Variants in ALDOA observed in about 807,000 individuals in gnomAD.
The protein encoded by ALDOA is aldolase, fructose-bisphosphate A.
In ALDOA, 26 loss-of-function variants were observed where a neutral mutation model predicts 43.9. The ratio of observed to expected loss-of-function variants is 0.59; its 90% CI spans 0.43 to 0.82. The LOEUF (loss-of-function observed/expected upper bound fraction) is 0.82, where lower values mean the gene tolerates loss of function less well. Ranked by LOEUF, ALDOA falls within the 40% of genes least tolerant of loss-of-function variation. The pLI, the probability that ALDOA is intolerant of heterozygous loss-of-function variation, is 0.00. For missense variants in ALDOA, 498 were observed against 549.5 expected (o/e 0.91, Z 0.94); for synonymous variants, 258 against 222.6 (o/e 1.16, Z -1.42).
chr16:30,065,461 T>C (rs958499185), upstream of ALDOA, among the ~76,000 whole-genome samples: 2 of 152,130 alleles, frequency 1.3e-5, no homozygotes, highest in African/African-American at 4.8e-5. Context: ...CCCTCCCCCA[T>C]TGCCAACATT....
chr16:30,064,949 A>T (rs1334424678), upstream of ALDOA: 1 of 155,412 alleles, frequency 6.4e-6, no homozygotes, highest in African/African-American at 2.4e-5. Context: ...TTGGAGAAGG[A>T]AGTCAGGCTC....
At chr16:30,066,842 G>T (rs773804562) in intron 1 of ALDOA, 43 bp from the exon 2 acceptor site, 1 of 1,528,410 alleles carries the variant, frequency 6.5e-7, no homozygotes, top group Non-Finnish European at 8.8e-7. Flanking sequence ...CTTGATTCAC[G>T]ATCTTTACAT....
rs76642620 is a variant in ALDOA, at chr16:30,067,126, G to A, written c.141+88G>A. The stretch of plus-strand genomic sequence containing the variant: ...CCCAGGGCCTGCTGGGTGTGGGGCA[G>A]GGGAGGTAGGGAACATTTCCCTGAC... On this transcript the variant is annotated intron_variant, in intron 2 of 9. Coordinates refer to ENST00000642816, the MANE Select transcript of ALDOA (RefSeq NM_001243177.4). 1,542 of 1,578,144 alleles carry A rather than the reference G, an allele frequency of 9.8e-4. 12 individuals are homozygous for A. In the African/African-American group the frequency reaches 0.019, roughly 19 times the overall value.
intron 1 of ALDOA, 143 bp from the exon 2 acceptor site, chr16:30,066,742 C>T (rs926683182): frequency 1.0e-5 from 9 of 899,092 alleles, no homozygotes; most frequent in Admixed American, 2.9e-5. Flanking sequence ...GGGTTCTAAT[C>T]TCAGATCTGG....
In ALDOA at chr16:30,066,996, C is replaced by T. The variant is rs764462408; in HGVS notation, c.99C>T (p.His33=). 1.3e-5 allele frequency: 20 copies of T among 1,563,416 alleles called. No individual in the cohort carries two copies. In the Admixed American group the frequency reaches 2.1e-4, roughly 16 times the overall value. The change falls in exon 2 of 10, where the codon CAC becomes CAT. Residue 33 remains histidine (H), a synonymous_variant. Coordinates refer to ENST00000642816, the MANE Select transcript of ALDOA (RefSeq NM_001243177.4). ...SFPPVASGQL[H]PQLGNTQHQT... is the part of the protein sequence containing the mutation. Reference sequence around the variant, plus strand: ...CCCCAGTTGCCAGTGGGCAACTCCACCCTCAGCTGGGCAACACCCAGCACC... The same window carrying T: ...CCCCAGTTGCCAGTGGGCAACTCCATCCTCAGCTGGGCAACACCCAGCACC...
chr16:30,069,724 C>T (rs2072251541), intron 8 of ALDOA, 51 bp downstream of exon 8: 9 of 1,611,670 alleles, frequency 5.6e-6, no homozygotes, highest in Non-Finnish European at 7.6e-6. Flanking sequence ...GCTCCACCCA[C>T]AACCCTATGC....
intron 4 of ALDOA, chr16:30,068,011 A>AT: frequency 3.3e-6 from 1 of 299,656 alleles, no homozygotes; most frequent in Non-Finnish European, 6.3e-6. Context: ...AAGTGAAAAT[A>AT]TTTTAATTTA....
At chr16:30,067,207 T>A in intron 2 of ALDOA, 27 bp from the exon 3 acceptor site, 3 of 1,611,988 alleles carry the variant, frequency 1.9e-6, no homozygotes, top group Non-Finnish European at 2.5e-6. Context: ...AGCTAACTAG[T>A]CCTTCCCCTC....
upstream of ALDOA, among the ~76,000 whole-genome samples, chr16:30,065,435 C>G (rs2072064082): frequency 6.6e-6 from 1 of 152,238 alleles, no homozygotes; most frequent in African/African-American, 2.4e-5. Flanking sequence ...TCCGCGTCCT[C>G]CACTTCCCCG....
rs768538661 is a variant in ALDOA, at chr16:30,066,942, C to G, written c.45C>G (p.His15Gln). ...AAGGGTCCAGCTTCAACATGACCCA[C>G]CTGTCCATGGCTATGGCCTTTTCCT... is the stretch of plus-strand genomic sequence containing the variant. The part of the protein sequence containing the change: ...KPEGSSFNMT[H>Q]LSMAMAFSFP... The change falls in exon 2 of 10, where the codon CAC becomes CAG. Residue 15 changes from histidine to glutamine, a missense_variant. His to Gln is a conservative substitution (Grantham distance 24). Coordinates refer to ENST00000642816, the MANE Select transcript of ALDOA (RefSeq NM_001243177.4). 2 of 1,551,106 alleles carry G rather than the reference C, an allele frequency of 1.3e-6. No individual in the cohort carries two copies. Among genetic ancestry groups the G allele is most frequent in the South Asian group, 1.2e-5 (1 of 84,088 alleles).
upstream of ALDOA, chr16:30,064,723 C>A: frequency 3.6e-6 from 1 of 275,798 alleles, no homozygotes; most frequent in Non-Finnish European, 6.7e-6. Context: ...ATAACCAGCC[C>A]GGGAACCCCT....
In ALDOA at chr16:30,067,552, C is replaced by A. The variant is rs371785490; in HGVS notation, c.377C>A (p.Pro126His). ...LLLTADDRVN[P>H]CIGGVILFHE... Reference sequence around the variant, plus strand: ...CTGACAGCTGACGACCGCGTGAACCCCTGCATTGGGGGTGTCATCCTCTTC... The same window carrying A: ...CTGACAGCTGACGACCGCGTGAACCACTGCATTGGGGGTGTCATCCTCTTC... The change falls in exon 4 of 10, where the codon CCC becomes CAC. Residue 126 changes from proline (P) to histidine (H), a missense_variant. Pro to His is a moderately conservative substitution (Grantham distance 77). Transcript: ENST00000642816. 1 of 1,613,796 alleles carries A rather than the reference C, an allele frequency of 6.2e-7. No individual in the cohort carries two copies. Among genetic ancestry groups the A allele is most frequent in the African/African-American group, 1.3e-5 (1 of 74,858 alleles).
Position 30,067,523 on chromosome 16 carries a change from G to A in ALDOA, c.348G>A (p.Leu116=), listed in dbSNP as rs959628432. 5.0e-6 allele frequency: 8 copies of A among 1,613,818 alleles called. No homozygotes were observed. Among genetic ancestry groups the A allele is most frequent in the Non-Finnish European group, 6.8e-6 (8 of 1,179,996 alleles). Residue 116 remains leucine, a synonymous_variant, in exon 4 of 10, where the codon CTG becomes CTA. Coordinates refer to ENST00000642816, the MANE Select transcript of ALDOA (RefSeq NM_001243177.4). ...AGAACCGGCGCTTCTACCGCCAGCT[G>A]CTGCTGACAGCTGACGACCGCGTGA... ...TEENRRFYRQ[L]LLTADDRVNP... is the part of the protein sequence containing the mutation.
rs372684193 is a variant in ALDOA, at chr16:30,067,319, G to A, written c.227G>A (p.Arg76His). The A allele has an allele frequency of 8.1e-6, 13 of 1,613,270 alleles. No individual in the cohort carries two copies. Among genetic ancestry groups the A allele is most frequent in the African/African-American group, 2.7e-5 (2 of 74,866 alleles). Residue 76 changes from arginine to histidine, a missense_variant, in exon 3 of 10, where the codon CGC (arginine) becomes CAC (histidine). By Grantham distance (29) the Arg-to-His change is conservative. Coordinates refer to ENST00000642816, the MANE Select transcript of ALDOA (RefSeq NM_001243177.4). ...QKKELSDIAH[R>H]IVAPGKGILA... ...AAGGAGCTGTCTGACATCGCTCACC[G>A]CATCGTGGCACCTGGCAAGGGCATC...
In ALDOA at chr16:30,069,953, C is replaced by T. The variant is rs1445975674; in HGVS notation, c.1085C>T (p.Ala362Val). Residue 362 changes from alanine (A) to valine (V), a missense_variant, in exon 9 of 10, where the codon GCC becomes GTC. Ala to Val is a moderately conservative substitution (Grantham distance 64, BLOSUM62 0). Transcript: ENST00000642816. ...TTCTCCTACGGCCGAGCCCTGCAGG[C>T]CTCTGCCCTGAAGGCCTGGGGCGGG... is the stretch of plus-strand genomic sequence containing the variant. ...LTFSYGRALQ[A>V]SALKAWGGKK... 1.2e-6 allele frequency: 2 copies of T among 1,614,022 alleles called. No individual in the cohort carries two copies. Among genetic ancestry groups the T allele is most frequent in the Non-Finnish European group, 1.7e-6 (2 of 1,180,018 alleles).
At chr16:30,067,862 C>T (rs2072176451) in intron 4 of ALDOA, 2 of 660,756 alleles carry the variant, frequency 3.0e-6, no homozygotes, top group Admixed American at 5.0e-5. Context: ...ACATGAAAAT[C>T]TCAGAAGCTC....
chr16:30,069,123 G>T lies in ALDOA; in HGVS notation c.702+145G>T, dbSNP rs539073363. The T allele has an allele frequency of 8.8e-5, 124 of 1,409,900 alleles. No individual in the cohort carries two copies. The East Asian group carries it at 2.5e-3, about 28-fold the overall frequency. 87.3% of individuals were successfully genotyped at this position (1,409,900 alleles called of 1,614,324 possible). On this transcript the variant is annotated intron_variant, in intron 6 of 9. Transcript: ENST00000642816. The stretch of plus-strand genomic sequence containing the variant: ...GGAGGACACTCAAGGGCTGTTGAAG[G>T]CAGAGGGGCCAAGGAGGGATGGTGG...
At chr16:30,069,782 T>C in intron 8 of ALDOA, 48 bp from the exon 9 acceptor site, 7 of 1,613,068 alleles carry the variant, frequency 4.3e-6, no homozygotes, top group Non-Finnish European at 5.1e-6. Context: ...CCTGCCAGCT[T>C]CCTGGGTCTC....
At position 30,069,377 on chromosome 16, in the gene ALDOA, T is replaced by C. The variant is rs369668963; in HGVS notation, c.774T>C (p.Tyr258=). 2.5e-6 allele frequency: 4 copies of C among 1,614,022 alleles called. No homozygotes were observed. The African/African-American group carries it at 5.3e-5, about 22-fold the overall frequency. The part of the protein sequence containing the change: ...DGDHDLKRCQ[Y]VTEKVLAAVY... ...ACCATGACTTGAAGCGCTGCCAGTATGTGACCGAGAAGGTAAATGGCTACC... is the reference window on the plus strand; with the variant it reads ...ACCATGACTTGAAGCGCTGCCAGTACGTGACCGAGAAGGTAAATGGCTACC... The change falls in exon 7 of 10, where the codon TAT becomes TAC. Residue 258 remains tyrosine, a synonymous_variant. Transcript: ENST00000642816.
Sources: gnomAD v4.1 joint callset for allele counts (sites outside exome capture counted in the v4.1 genomes callset) on GRCh38, gnomAD v4.1.1 for gene constraint, MANE v1.5 for transcripts, NCBI Gene and HGNC (gene_info 2026-07-23, HGNC 2026-07-21) for gene names.